MYCBP2: variants seen among roughly 807,000 people sequenced by gnomAD.
MYCBP2 encodes the protein E3 ubiquitin-protein ligase MYCBP2.
In MYCBP2, 120 loss-of-function variants were observed where a neutral mutation model predicts 525.3. That is an observed-to-expected ratio of 0.23 (90% CI 0.20 to 0.27). MYCBP2 has a LOEUF of 0.27. Among genes scored for constraint, MYCBP2 ranks in the 10% least tolerant of loss-of-function variants. MYCBP2 has a pLI of 1.00. For synonymous variants in MYCBP2, 1,894 were observed against 1,955.8 expected (o/e 0.97, Z 0.83); for missense variants, 4,149 against 5,657.1 (o/e 0.73, Z 8.55).
At chr13:77,047,269 C>T (rs1168621077) in intron 82 of MYCBP2, among the ~76,000 whole-genome samples, 1 of 152,122 alleles carries the variant, frequency 6.6e-6, no homozygotes, top group Non-Finnish European at 1.5e-5. Flanking sequence ...AACGATTATC[C>T]TCATTTTGTA....
intron 45 of MYCBP2, 108 bp from the exon 46 acceptor site, chr13:77,156,310 C>G (rs2057208330): frequency 9.9e-7 from 1 of 1,006,626 alleles, no homozygotes; most frequent in Non-Finnish European, 1.4e-6. Flanking sequence ...AAACAAAATG[C>G]TAAAACATTA....
chr13:77,296,533 T>G, intron 2 of MYCBP2, 66 bp downstream of exon 2: 1 of 1,485,694 alleles, frequency 6.7e-7, no homozygotes, highest in Non-Finnish European at 8.9e-7. Context: ...TTTTTTAATC[T>G]TGGCATTTTT....
At position 77,288,261 on chromosome 13, in the gene MYCBP2, T is replaced by A; in HGVS notation, c.494A>T (p.Glu165Val). 1 of 1,614,218 alleles carries A rather than the reference T, an allele frequency of 6.2e-7. No homozygotes were observed. The highest frequency in any genetic ancestry group is 8.5e-7 in the Non-Finnish European group (1 of 1,180,034). Residue 165 changes from glutamate to valine, a missense_variant, in exon 3 of 83, where the codon GAA becomes GTA. Glu to Val is a moderately radical substitution (Grantham distance 121). Coordinates refer to ENST00000544440, the MANE Select transcript of MYCBP2 (RefSeq NM_015057.5). The stretch of plus-strand genomic sequence containing the variant: ...CTTAGATGCGGCTGCCAATGATATT[T>A]CCTTTTTCTGCCATTCCAGAACGCA... ...RHCVLEWQKKEISLAAASKNS... is the reference protein window; with the variant it reads ...RHCVLEWQKKVISLAAASKNS...
At chr13:77,229,414 T>C (rs868200691) in intron 18 of MYCBP2, among the ~76,000 whole-genome samples, 1 of 152,174 alleles carries the variant, frequency 6.6e-6, no homozygotes, top group South Asian at 2.1e-4. Flanking sequence ...AGGACAAATT[T>C]AGAGTTTAAT....
At chr13:77,203,440 G>T (rs2062874410) in intron 26 of MYCBP2, among the ~76,000 whole-genome samples, 1 of 152,088 alleles carries the variant, frequency 6.6e-6, no homozygotes, top group Non-Finnish European at 1.5e-5. Context: ...TGGGTAGGAA[G>T]AATCAATATC....
At chr13:77,078,779 T>A (rs1375804830) in intron 66 of MYCBP2, 45 bp downstream of exon 66, 3 of 1,512,270 alleles carry the variant, frequency 2.0e-6, no homozygotes, top group East Asian at 2.3e-5. Context: ...GAAGAAGAAA[T>A]TTCTCTCTAG....
Position 77,187,877 on chromosome 13 carries a change from C to T in MYCBP2, c.4251+1074G>A, listed in dbSNP as rs566529314. ...CTGTTCGAGGTCAGGGGTTCGAGAC[C>T]ACCACCAACATGGTGAAACCCCCTC... On this transcript the variant is annotated intron_variant, in intron 30 of 82. Transcript: ENST00000544440. Among the ~76,000 whole-genome samples the T allele has an allele frequency of 5.9e-5, 9 of 151,898 alleles. No individual in the cohort carries two copies. In the South Asian group the frequency reaches 1.9e-3, roughly 32 times the overall value.
chr13:77,070,785 T>C (rs2041085858), intron 68 of MYCBP2, 74 bp from the exon 69 acceptor site: 7 of 884,244 alleles, frequency 7.9e-6, no homozygotes, highest in Non-Finnish European at 1.0e-5. Flanking sequence ...ATGTGATATT[T>C]CAAAGTAACT....
intron 1 of MYCBP2, among the ~76,000 whole-genome samples, chr13:77,322,495 A>G (rs2081790310): frequency 6.6e-6 from 1 of 152,112 alleles, no homozygotes; most frequent in South Asian, 2.1e-4. Flanking sequence ...AATCAACTCA[A>G]CTAGGTTTTC....
intron 16 of MYCBP2, among the ~76,000 whole-genome samples, chr13:77,243,381 G>A (rs887619360): frequency 4.6e-5 from 7 of 152,206 alleles, no homozygotes; most frequent in Admixed American, 4.6e-4. Context: ...GGGAGGCCAA[G>A]GTGGGCAGAT....
At chr13:77,199,393 G>A (rs1299246341) in intron 26 of MYCBP2, among the ~76,000 whole-genome samples, 1 of 152,014 alleles carries the variant, frequency 6.6e-6, no homozygotes, top group African/African-American at 2.4e-5. Context: ...AGGGTCCTAC[G>A]CTCATGGAGT....
In MYCBP2 at chr13:77,087,575, C is replaced by T; in HGVS notation, c.10784G>A (p.Trp3595Ter). The change falls in exon 62 of 83, where the codon TGG becomes TAG. Residue 3595 changes from tryptophan to a stop codon, truncating the protein, a stop_gained. Transcript: ENST00000544440. LOFTEE classifies it high-confidence loss of function. ...AGGAGTCAGTGATGCCACAAAATGC[C>T]ACAGAATATCATGGAGAGAAGTGGT... ...IQTTSLHDIL[W>*]HFVASLTPAP... is the part of the protein sequence containing the mutation. 1 of 1,613,154 alleles carries T rather than the reference C, an allele frequency of 6.2e-7. No homozygotes were observed. Among genetic ancestry groups the T allele is most frequent in the Non-Finnish European group, 8.5e-7 (1 of 1,179,574 alleles).
chr13:77,259,656 G>T (rs2072903361), intron 13 of MYCBP2, among the ~76,000 whole-genome samples: 1 of 152,092 alleles, frequency 6.6e-6, no homozygotes, highest in South Asian at 2.1e-4. Flanking sequence ...TGCTATAAAT[G>T]TTCTACAGGT....
chr13:77,305,037 T>C (rs779137554), intron 1 of MYCBP2, among the ~76,000 whole-genome samples: 3 of 152,086 alleles, frequency 2.0e-5, no homozygotes, highest in Non-Finnish European at 2.9e-5. Context: ...AAGAAAACTC[T>C]AGACTCGGAT....
intron 55 of MYCBP2, chr13:77,121,152 C>G (rs1175970887): frequency 3.2e-6 from 1 of 310,170 alleles, no homozygotes; most frequent in Non-Finnish European, 5.7e-6. Context: ...TAAGCAAGCA[C>G]TCTCATAAAC....
intron 47 of MYCBP2, among the ~76,000 whole-genome samples, chr13:77,146,983 C>G (rs1240155097): frequency 1.3e-5 from 2 of 152,050 alleles, no homozygotes; most frequent in African/African-American, 4.8e-5. Context: ...AAGCGTCCAT[C>G]AATGGGAGAA....
chr13:77,137,432 T>G (rs998298461), intron 52 of MYCBP2, among the ~76,000 whole-genome samples: 3 of 152,070 alleles, frequency 2.0e-5, no homozygotes, highest in African/African-American at 7.2e-5. Flanking sequence ...AACATTTTAT[T>G]AGGGACTTAA....
At chr13:77,198,138 C>A (rs973933515) in intron 26 of MYCBP2, among the ~76,000 whole-genome samples, 2 of 152,128 alleles carry the variant, frequency 1.3e-5, no homozygotes, top group African/African-American at 4.8e-5. Context: ...ATCAAGACAT[C>A]CTAAAATAAC....
intron 44 of MYCBP2, among the ~76,000 whole-genome samples, chr13:77,161,175 G>GATTCTGAT (rs1211688792): frequency 4.6e-5 from 7 of 152,160 alleles, no homozygotes; most frequent in African/African-American, 1.7e-4. Context: ...GCTGTCTACA[G>GATTCTGAT]ATTCTGATAT....
Sources: gnomAD v4.1 joint callset for allele counts (sites outside exome capture counted in the v4.1 genomes callset) on GRCh38, gnomAD v4.1.1 for gene constraint, MANE v1.5 for transcripts, NCBI Gene and HGNC (gene_info 2026-07-23, HGNC 2026-07-21) for gene names.